Variants in ARFIP1 observed in about 807,000 individuals in gnomAD.
ARFIP1 encodes ARF interacting protein 1, also known as arfaptin-1.
Under a neutral mutation model 42.5 loss-of-function variants are expected in ARFIP1, and 24 were observed. That is an observed-to-expected ratio of 0.57 (90% CI 0.41 to 0.80). The LOEUF (loss-of-function observed/expected upper bound fraction) is 0.80, where lower values mean the gene tolerates loss of function less well. Among genes scored for constraint, ARFIP1 ranks in the 30% least tolerant of loss-of-function variants. The probability of loss-of-function intolerance (pLI) is 0.00; values close to 1 mark genes in which losing one functional copy is unlikely to be tolerated. For synonymous variants in ARFIP1, 141 were observed against 153.7 expected, an observed-to-expected ratio of 0.92 and a Z score of 0.61; for missense variants, 354 against 434.0, an observed-to-expected ratio of 0.82 and a Z score of 1.64.
intron 2 of ARFIP1, among the ~76,000 whole-genome samples, chr4:152,854,197 G>A (rs1733235952): frequency 1.3e-5 from 2 of 152,102 alleles, no homozygotes; most frequent in African/African-American, 4.8e-5. Flanking sequence ...ACAGGCATAA[G>A]CCACCGCACT....
intron 1 of ARFIP1, chr4:152,810,074 A>G (rs558066069): frequency 5.9e-5 from 9 of 152,350 alleles, no homozygotes; most frequent in Admixed American, 1.3e-4. Context: ...TTCTGTTGGT[A>G]TGCAGGTTTG....
At chr4:152,837,085 C>T (rs1211365340) in intron 2 of ARFIP1, among the ~76,000 whole-genome samples, 3 of 152,156 alleles carry the variant, frequency 2.0e-5, no homozygotes, top group East Asian at 1.9e-4. Context: ...CAATCTCATC[C>T]AGGTCACTCC....
chr4:152,805,467 A>G (rs1422090410), intron 1 of ARFIP1, among the ~76,000 whole-genome samples: 2 of 152,224 alleles, frequency 1.3e-5, no homozygotes, highest in Admixed American at 6.5e-5. Context: ...TTGCACTGCC[A>G]ATACCTGTAG....
chr4:152,816,036 G>A (rs568050890), intron 1 of ARFIP1, among the ~76,000 whole-genome samples: 4 of 151,998 alleles, frequency 2.6e-5, no homozygotes, highest in Non-Finnish European at 4.4e-5. Context: ...GAGCCACCGC[G>A]CCCGGCCATC....
At chr4:152,807,580 G>T (rs1017147992) in intron 1 of ARFIP1, among the ~76,000 whole-genome samples, 3 of 152,046 alleles carry the variant, frequency 2.0e-5, no homozygotes, top group African/African-American at 7.2e-5. Context: ...GAAGTGTTCT[G>T]TTACGTTTTG....
At chr4:152,788,187 G>A (rs1730925904) in intron 1 of ARFIP1, among the ~76,000 whole-genome samples, 2 of 152,202 alleles carry the variant, frequency 1.3e-5, no homozygotes, top group South Asian at 2.1e-4. Flanking sequence ...AGCCGAGATC[G>A]TGCCTCTGCA....
At chr4:152,833,685 A>G (rs1315692452) in intron 2 of ARFIP1, among the ~76,000 whole-genome samples, 2 of 152,238 alleles carry the variant, frequency 1.3e-5, no homozygotes, top group Non-Finnish European at 2.9e-5. Context: ...ATGCGATATC[A>G]TTCAAGCTCT....
intron 2 of ARFIP1, among the ~76,000 whole-genome samples, chr4:152,839,540 C>T (rs58584378): frequency 0.046 from 7,046 of 152,172 alleles, 547 homozygotes; most frequent in African/African-American, 0.16. Flanking sequence ...GTATCCACCT[C>T]TTCTAGATTT....
chr4:152,863,553 C>T (rs1046526918), intron 2 of ARFIP1, 53 bp from the exon 3 acceptor site: 11 of 1,004,848 alleles, frequency 1.1e-5, no homozygotes, highest in East Asian at 4.9e-5. Flanking sequence ...TGAACTGTTA[C>T]GTCATGTGGG....
intron 8 of ARFIP1, among the ~76,000 whole-genome samples, chr4:152,891,297 T>C (rs116208476): frequency 0.016 from 2,498 of 152,348 alleles, 68 homozygotes; most frequent in African/African-American, 0.056. Flanking sequence ...TAAGTTTGAA[T>C]TTGAACTGAG....
intron 1 of ARFIP1, among the ~76,000 whole-genome samples, chr4:152,792,208 A>G (rs1194701274): frequency 6.6e-6 from 1 of 152,234 alleles, no homozygotes; most frequent in African/African-American, 2.4e-5. Context: ...CTCACCAGTC[A>G]GAAGTTCTTG....
At chr4:152,908,467 A>G (rs1738553933) in intron 8 of ARFIP1, among the ~76,000 whole-genome samples, 1 of 152,030 alleles carries the variant, frequency 6.6e-6, no homozygotes. Context: ...AAAATTATCC[A>G]GGCGTGGTGG....
intron 2 of ARFIP1, among the ~76,000 whole-genome samples, chr4:152,846,248 T>C (rs760885101): frequency 1.2e-4 from 19 of 152,130 alleles, no homozygotes; most frequent in Non-Finnish European, 2.4e-4. Flanking sequence ...AACTATTGAA[T>C]ACTATGCTCA....
chr4:152,797,974 A>G (rs1731572576), intron 1 of ARFIP1, among the ~76,000 whole-genome samples: 1 of 152,178 alleles, frequency 6.6e-6, no homozygotes, highest in South Asian at 2.1e-4. Context: ...AATAGTAGAA[A>G]TGGCCGGGCG....
chr4:152,824,715 A>G (rs1578876195), intron 1 of ARFIP1, among the ~76,000 whole-genome samples: 1 of 152,198 alleles, frequency 6.6e-6, no homozygotes, highest in Non-Finnish European at 1.5e-5. Flanking sequence ...CAAAAGAAAG[A>G]AACAAAGGGC....
intron 7 of ARFIP1, 37 bp downstream of exon 7, chr4:152,882,917 A>G (rs767188884): frequency 6.4e-7 from 1 of 1,568,938 alleles, no homozygotes; most frequent in Non-Finnish European, 8.6e-7. Context: ...TCTGTTTTAC[A>G]GATGGCATAT....
intron 2 of ARFIP1, among the ~76,000 whole-genome samples, chr4:152,841,621 C>T (rs116390225): frequency 0.02 from 3,084 of 152,156 alleles, 51 homozygotes; most frequent in Non-Finnish European, 0.032. Flanking sequence ...TGTCAGAAAA[C>T]GACTGTATCT....
intron 2 of ARFIP1, among the ~76,000 whole-genome samples, chr4:152,830,863 G>T (rs918596028): frequency 2.0e-5 from 3 of 152,076 alleles, no homozygotes; most frequent in Non-Finnish European, 4.4e-5. Context: ...TAAATAGATC[G>T]GTTTAAATAA....
chr4:152,897,296 C>G (rs1737419173), intron 8 of ARFIP1, among the ~76,000 whole-genome samples: 1 of 150,932 alleles, frequency 6.6e-6, no homozygotes, highest in Non-Finnish European at 1.5e-5. Flanking sequence ...GAGAAGCACA[C>G]CTAGCTAACC....
Sources: allele counts gnomAD v4.1 joint callset (sites outside exome capture counted in the v4.1 genomes callset), GRCh38; gene constraint gnomAD v4.1.1; transcripts MANE v1.5; gene names NCBI Gene and HGNC (gene_info 2026-07-23, HGNC 2026-07-21).